The following CDON variants were observed in gnomAD, a reference collection of about 807,000 sequenced individuals.
CDON encodes cell adhesion associated, oncogene regulated.
A neutral mutation model predicts 120.9 loss-of-function variants in CDON; 73 were observed. The observed-to-expected ratio is 0.60, with a 90% CI of 0.50 to 0.73. CDON has a LOEUF of 0.73. Ranked by LOEUF, CDON falls within the 30% of genes least tolerant of loss-of-function variation. The pLI is 0.00. For missense variants in CDON, 1,470 were observed against 1,587.3 expected (o/e 0.93, Z 1.26); for synonymous variants, 566 against 573.5 (o/e 0.99, Z 0.19).
chr11:126,016,299 T>G (rs1947467052), intron 6 of CDON, among the ~76,000 whole-genome samples: 1 of 152,194 alleles, frequency 6.6e-6, no homozygotes, highest in Admixed American at 6.5e-5. Flanking sequence ...GGTAGCTGGT[T>G]AGAAACAAAG....
chr11:126,040,302 G>C (rs774011478), intron 1 of CDON, among the ~76,000 whole-genome samples: 2 of 152,154 alleles, frequency 1.3e-5, no homozygotes, highest in African/African-American at 4.8e-5. Flanking sequence ...AGTTCCATAA[G>C]AAACGGGACC....
At chr11:126,013,307 T>C (rs1033709020) in intron 7 of CDON, among the ~76,000 whole-genome samples, 1 of 152,218 alleles carries the variant, frequency 6.6e-6, no homozygotes, top group Non-Finnish European at 1.5e-5. Flanking sequence ...TCTTGCACCA[T>C]CTTATTGTGG....
At chr11:126,053,055 T>C (rs2134928871) in intron 1 of CDON, among the ~76,000 whole-genome samples, 1 of 152,190 alleles carries the variant, frequency 6.6e-6, no homozygotes, top group South Asian at 2.1e-4. Flanking sequence ...GACGACTGTA[T>C]TCACAATTAG....
chr11:125,963,061 T>A (rs1316360868), intron 18 of CDON, among the ~76,000 whole-genome samples: 3 of 152,144 alleles, frequency 2.0e-5, no homozygotes, highest in African/African-American at 7.2e-5. Context: ...TCTGTTAGCA[T>A]CACACTCAGT....
intron 14 of CDON, among the ~76,000 whole-genome samples, chr11:125,992,229 G>A (rs1946649035): frequency 6.6e-6 from 1 of 152,098 alleles, no homozygotes; most frequent in Admixed American, 6.5e-5. Context: ...CCCAAATGGA[G>A]GACAATCACT....
At chr11:125,963,073 C>G (rs575515565) in intron 18 of CDON, among the ~76,000 whole-genome samples, 2 of 152,106 alleles carry the variant, frequency 1.3e-5, no homozygotes, top group African/African-American at 4.8e-5. Context: ...ACACTCAGTT[C>G]TCTGATAGCT....
chr11:126,057,213 G>C (rs1164776238), intron 1 of CDON, among the ~76,000 whole-genome samples: 1 of 152,184 alleles, frequency 6.6e-6, no homozygotes, highest in Non-Finnish European at 1.5e-5. Flanking sequence ...TGATTTTCTA[G>C]TAATGTAGGA....
At chr11:126,027,312 A>G (rs1227116951) in intron 1 of CDON, among the ~76,000 whole-genome samples, 1 of 152,188 alleles carries the variant, frequency 6.6e-6, no homozygotes, top group Admixed American at 6.5e-5. Context: ...CTCACAAATA[A>G]ACATTACTGA....
chr11:125,990,237 T>G (rs1456570761), intron 14 of CDON, among the ~76,000 whole-genome samples: 1 of 152,194 alleles, frequency 6.6e-6, no homozygotes, highest in Non-Finnish European at 1.5e-5. Flanking sequence ...CCAATTCCAC[T>G]GTCATGGATG....
intron 1 of CDON, among the ~76,000 whole-genome samples, chr11:126,056,276 C>T (rs1383712628): frequency 6.6e-6 from 1 of 152,156 alleles, no homozygotes; most frequent in Non-Finnish European, 1.5e-5. Flanking sequence ...TTGAGGACGC[C>T]TATAGATCAA....
chr11:126,009,063 A>C (rs1947214882), intron 8 of CDON, among the ~76,000 whole-genome samples: 2 of 152,172 alleles, frequency 1.3e-5, no homozygotes, highest in Admixed American at 6.5e-5. Flanking sequence ...CAGATGAGGA[A>C]ACAGAACAGA....
rs1040426509 is a variant in CDON, at chr11:125,958,631, A to AT, written c.*2310dup. 2 of 150,924 alleles carry AT rather than the reference A, an allele frequency of 1.3e-5. No individual in the cohort carries two copies. Among genetic ancestry groups the AT allele is most frequent in the African/African-American group, 2.4e-5 (1 of 41,002 alleles). The allele number at this position is 150,924 out of a possible 1,614,324, so 9.3% of individuals were successfully genotyped here. Reference sequence around the variant, plus strand: ...TTTATATATTTCAATATATAAAGGCATTTTTTATAAATAAAATACAATAAA... The same window carrying AT: ...TTTATATATTTCAATATATAAAGGCATTTTTTTATAAATAAAATACAATAAA... On this transcript the variant is annotated 3_prime_UTR_variant, in exon 20 of 20. Coordinates refer to ENST00000531738, the MANE Select transcript of CDON (RefSeq NM_001378964.1).
Position 126,023,501 on chromosome 11 carries a change from G to C in CDON, c.-25C>G. ...TAGCGCCAGATTACAGAAGCAATCA[G>C]GACAGGCTTCCAGAGCAAAACCCAG... On this transcript the variant is annotated 5_prime_UTR_variant, in exon 2 of 20. Transcript: ENST00000531738. 6.4e-7 allele frequency: 1 copy of C among 1,552,452 alleles called. No homozygotes were observed.
At chr11:126,011,001 A>G (rs1367355226) in intron 7 of CDON, 2 of 451,644 alleles carry the variant, frequency 4.4e-6, no homozygotes, top group Admixed American at 5.3e-5. Context: ...CACTGCAAAT[A>G]TAGAACATAT....
rs1369843550 is a variant in CDON, at chr11:126,006,058, C to CTGCA, written c.1553-5_1553-2dup. On this transcript the variant is annotated splice_acceptor_variant, in intron 8 of 19. Coordinates refer to ENST00000531738, the MANE Select transcript of CDON (RefSeq NM_001378964.1). LOFTEE classifies it high-confidence loss of function. The stretch of plus-strand genomic sequence containing the variant: ...GCTTTTGTATTTGTTTCAAAAGGAA[C>CTGCA]TGCAGGGAGAGAGAGAGGAGACAGC... The CTGCA allele has an allele frequency of 6.2e-7, 1 of 1,613,610 alleles. No homozygotes were observed. The highest frequency in any genetic ancestry group is 1.7e-5 in the Admixed American group (1 of 60,008).
intron 15 of CDON, among the ~76,000 whole-genome samples, chr11:125,989,075 G>A (rs961950103): frequency 4.0e-4 from 61 of 152,210 alleles, no homozygotes; most frequent in Admixed American, 9.8e-4. Flanking sequence ...AAAAGGGAAG[G>A]GAGGTGATTT....
Position 125,995,019 on chromosome 11 carries a change from T to C in CDON, c.2396A>G (p.Asn799Ser). The change falls in exon 13 of 20, where the codon AAC becomes AGC. Residue 799 changes from asparagine (N) to serine (S), a missense_variant. By Grantham distance (46) the Asn-to-Ser change is conservative. Coordinates refer to ENST00000531738, the MANE Select transcript of CDON (RefSeq NM_001378964.1). ...ACTCCGAAAACTCTCACCATAATGG[T>C]TGATGGCAATGACCCTAAATTTGTA... ...STYKFRVIAINHYGESFRSSA... is the reference protein window; with the variant it reads ...STYKFRVIAISHYGESFRSSA... 1 of 1,614,154 alleles carries C rather than the reference T, an allele frequency of 6.2e-7. No individual in the cohort carries two copies. The highest frequency in any genetic ancestry group is 8.5e-7 in the Non-Finnish European group (1 of 1,180,006).
At chr11:126,020,978 CAG>C (rs1265966146) in intron 3 of CDON, among the ~76,000 whole-genome samples, 3 of 124,812 alleles carry the variant, frequency 2.4e-5, no homozygotes, top group Non-Finnish European at 5.0e-5. Context: ...GGCAAAGCTG[CAG>C]AGATTATAAA....
At chr11:126,010,918 C>T (rs1947285459) in intron 7 of CDON, 1 of 600,270 alleles carries the variant, frequency 1.7e-6, no homozygotes. Context: ...AATTTCCTGT[C>T]CTTCAGAAAG....
Sources: allele counts gnomAD v4.1 joint callset (sites outside exome capture counted in the v4.1 genomes callset), GRCh38; gene constraint gnomAD v4.1.1; transcripts MANE v1.5; gene names NCBI Gene and HGNC (gene_info 2026-07-23, HGNC 2026-07-21).